KIF16B: variants seen among roughly 807,000 people sequenced by gnomAD.
KIF16B encodes kinesin family member 16B.
KIF16B carries 98 observed loss-of-function variants against 156.3 expected under a neutral mutation model. The observed-to-expected ratio is 0.63, with a 90% CI of 0.53 to 0.74. The LOEUF is 0.74. Ranked by LOEUF, KIF16B falls within the 30% of genes least tolerant of loss-of-function variation. The pLI, the probability that KIF16B is intolerant of heterozygous loss-of-function variation, is 0.00. For missense variants in KIF16B, 1,421 were observed against 1,606.5 expected (o/e 0.88, Z 1.97); for synonymous variants, 564 against 583.7 (o/e 0.97, Z 0.49).
intron 25 of KIF16B, among the ~76,000 whole-genome samples, chr20:16,312,093 A>G (rs1430674130): frequency 1.3e-5 from 2 of 152,214 alleles, no homozygotes; most frequent in Non-Finnish European, 2.9e-5. Flanking sequence ...CCTAACCCTT[A>G]GAATAAATGC....
intron 12 of KIF16B, among the ~76,000 whole-genome samples, chr20:16,478,419 A>G (rs1202488293): frequency 1.3e-5 from 2 of 152,162 alleles, no homozygotes; most frequent in Non-Finnish European, 2.9e-5. Context: ...TAAACATGTA[A>G]TAGTCCCCCT....
intron 1 of KIF16B, among the ~76,000 whole-genome samples, chr20:16,561,702 T>C (rs1448078587): frequency 6.6e-6 from 1 of 152,216 alleles, no homozygotes; most frequent in African/African-American, 2.4e-5. Flanking sequence ...GTAAGACATA[T>C]TGACATCACA....
At chr20:16,539,218 G>C (rs1568661685) in intron 1 of KIF16B, among the ~76,000 whole-genome samples, 1 of 152,112 alleles carries the variant, frequency 6.6e-6, no homozygotes, top group Non-Finnish European at 1.5e-5. Context: ...AGCAGAGGTT[G>C]GAAGAGTCTG....
intron 1 of KIF16B, among the ~76,000 whole-genome samples, chr20:16,568,877 A>AACTGACTT (rs1415959122): frequency 3.4e-5 from 5 of 145,638 alleles, no homozygotes; most frequent in Admixed American, 3.4e-4. Context: ...TGTCTTAAGA[A>AACTGACTT]ACTGACTTTG....
chr20:16,421,285 T>C (rs987793270), intron 15 of KIF16B, among the ~76,000 whole-genome samples: 1 of 152,190 alleles, frequency 6.6e-6, no homozygotes, highest in South Asian at 2.1e-4. Context: ...TCCCCATTTA[T>C]TATATTTTAA....
At chr20:16,540,661 C>T (rs542324062) in intron 1 of KIF16B, among the ~76,000 whole-genome samples, 8 of 152,212 alleles carry the variant, frequency 5.3e-5, no homozygotes, top group African/African-American at 1.9e-4. Flanking sequence ...CAAAATGATA[C>T]CCACATTCAA....
chr20:16,468,433 G>A (rs930531193), intron 12 of KIF16B, among the ~76,000 whole-genome samples: 14 of 151,766 alleles, frequency 9.2e-5, no homozygotes, highest in South Asian at 4.2e-4. Context: ...AAAATTAGCC[G>A]GGCATGGTGG....
chr20:16,419,246 G>A (rs1405528357), intron 15 of KIF16B, among the ~76,000 whole-genome samples: 1 of 152,076 alleles, frequency 6.6e-6, no homozygotes, highest in Non-Finnish European at 1.5e-5. Flanking sequence ...CATATTTGCA[G>A]GTCTCTAATC....
At chr20:16,567,187 T>C (rs1280525304) in intron 1 of KIF16B, among the ~76,000 whole-genome samples, 1 of 152,250 alleles carries the variant, frequency 6.6e-6, no homozygotes, top group African/African-American at 2.4e-5. Context: ...TTCTTATTTC[T>C]GAATAAGAGA....
Position 16,396,648 on chromosome 20 carries a change from C to CTTCTTT in KIF16B, c.1784+8164_1784+8165insAAAGAA, listed in dbSNP as rs549708653. Among the ~76,000 whole-genome samples the CTTCTTT allele has an allele frequency of 1.6e-3, 197 of 124,636 alleles. 4 individuals carry two copies. The highest frequency in any genetic ancestry group is 4.3e-3 in the Middle Eastern group (1 of 232). 81.8% of individuals were successfully genotyped at this position (124,636 alleles called of 152,430 possible). A position where few individuals can be genotyped will look rare whatever the true frequency, so the allele number is the denominator to read the frequency against. ...TATGGTAACATGTTAACTGTAGTCG[C>CTTCTTT]TTTTTTTTTTTTTTTTTGCTTATGA... is the stretch of plus-strand genomic sequence containing the variant. On this transcript the variant is annotated intron_variant, in intron 17 of 25. Transcript: ENST00000354981.
intron 12 of KIF16B, among the ~76,000 whole-genome samples, chr20:16,439,539 T>G: frequency 6.6e-6 from 1 of 152,066 alleles, no homozygotes; most frequent in East Asian, 1.9e-4. Flanking sequence ...GCCTGGAAAA[T>G]TCTCCCCTAA....
chr20:16,421,440 C>T (rs2066223536), intron 15 of KIF16B, among the ~76,000 whole-genome samples: 1 of 152,124 alleles, frequency 6.6e-6, no homozygotes, highest in Non-Finnish European at 1.5e-5. Flanking sequence ...GTATCTGTCT[C>T]ATTCATGACT....
At chr20:16,514,208 T>C (rs558954166) in intron 4 of KIF16B, among the ~76,000 whole-genome samples, 2 of 152,124 alleles carry the variant, frequency 1.3e-5, no homozygotes, top group African/African-American at 2.4e-5. Context: ...TTTGTTTTTT[T>C]TTTCCAAAGG....
rs1413364320 is a variant in KIF16B, at chr20:16,367,999, T to C, written c.3498+2587A>G. 19 of 1,426,660 alleles carry C rather than the reference T, an allele frequency of 1.3e-5. No individual in the cohort carries two copies. The East Asian group carries it at 3.3e-4, about 25-fold the overall frequency. The allele number at this position is 1,426,660 out of a possible 1,614,324, so 88.4% of individuals were successfully genotyped here. On this transcript the variant is annotated intron_variant, in intron 22 of 25. Transcript: ENST00000354981. ...GAGATTATCTGACAGGACCAAAGCA[T>C]ATAAAGTTGACTGAAGCAGGAGCAA...
chr20:16,367,124 T>C, intron 22 of KIF16B: 2 of 1,538,496 alleles, frequency 1.3e-6, no homozygotes, highest in South Asian at 1.3e-5. Context: ...AAACATGTAG[T>C]GCATCTTTAA....
At chr20:16,342,141 C>T (rs1021998210) in intron 23 of KIF16B, among the ~76,000 whole-genome samples, 1 of 152,106 alleles carries the variant, frequency 6.6e-6, no homozygotes, top group African/African-American at 2.4e-5. Flanking sequence ...CTCCATGATC[C>T]CTTAGCATTT....
At chr20:16,480,580 G>A (rs1223392399) in intron 12 of KIF16B, among the ~76,000 whole-genome samples, 2 of 152,176 alleles carry the variant, frequency 1.3e-5, no homozygotes, top group African/African-American at 4.8e-5. Flanking sequence ...CTCAAAAAAG[G>A]ACAAGGCTTT....
At chr20:16,396,850 C>T (rs2065519104) in intron 17 of KIF16B, among the ~76,000 whole-genome samples, 2 of 152,054 alleles carry the variant, frequency 1.3e-5, no homozygotes, top group African/African-American at 4.8e-5. Context: ...CTGCTGCACT[C>T]CTTGGGATGA....
At chr20:16,446,502 T>C (rs1417399757) in intron 12 of KIF16B, among the ~76,000 whole-genome samples, 1 of 152,216 alleles carries the variant, frequency 6.6e-6, no homozygotes. Flanking sequence ...CAGTGACATT[T>C]TAAGTCTGCA....
Sources: allele counts gnomAD v4.1 joint callset (sites outside exome capture counted in the v4.1 genomes callset), GRCh38; gene constraint gnomAD v4.1.1; transcripts MANE v1.5; gene names NCBI Gene and HGNC (gene_info 2026-07-23, HGNC 2026-07-21).